ANKS1B: variants seen among roughly 807,000 people sequenced by gnomAD.
The protein encoded by ANKS1B is ankyrin repeat and sterile alpha motif domain containing 1B, also known as ankyrin repeat and sterile alpha motif domain-containing protein 1B.
A neutral mutation model predicts 148.3 loss-of-function variants in ANKS1B; 36 were observed. The observed-to-expected ratio is 0.24, with a 90% CI of 0.19 to 0.32. ANKS1B has a LOEUF of 0.32. Among genes scored for constraint, ANKS1B ranks in the 10% least tolerant of loss-of-function variants. The probability of loss-of-function intolerance (pLI) is 1.00; values close to 1 mark genes in which losing one functional copy is unlikely to be tolerated. For synonymous variants in ANKS1B, 542 were observed against 560.8 expected (o/e 0.97, Z 0.47); for missense variants, 1,157 against 1,542.6 (o/e 0.75, Z 4.19).
At chr12:99,298,897 T>A (rs922966220) in intron 12 of ANKS1B, among the ~76,000 whole-genome samples, 2 of 152,230 alleles carry the variant, frequency 1.3e-5, no homozygotes, top group African/African-American at 4.8e-5. Flanking sequence ...AATTGTTCAT[T>A]TTCTGTTTTT....
rs57473651 is a variant in ANKS1B, at chr12:99,406,762, C to G, written c.1576-6951G>C. 6.4e-3 allele frequency among the ~76,000 whole-genome samples: 924 copies of G among 145,054 alleles called. 71 individuals carry two copies. The East Asian group carries it at 0.066, about 10-fold the overall frequency. On this transcript the variant is annotated intron_variant, in intron 11 of 26. Transcript: ENST00000683438. Reference sequence around the variant, plus strand: ...TTTTTGAAAAGATAAAATTGACAAACCTTTAGCCAGATTAAGAAAAGAGAG... The same window carrying G: ...TTTTTGAAAAGATAAAATTGACAAAGCTTTAGCCAGATTAAGAAAAGAGAG...
chr12:99,637,828 C>T (rs1567534470), intron 9 of ANKS1B, among the ~76,000 whole-genome samples: 2 of 133,624 alleles, frequency 1.5e-5, no homozygotes, highest in Admixed American at 7.5e-5. Context: ...TATATATACA[C>T]ACACATACAC....
At chr12:99,731,501 G>C (rs1189007348) in intron 8 of ANKS1B, among the ~76,000 whole-genome samples, 1 of 151,386 alleles carries the variant, frequency 6.6e-6, no homozygotes, top group Non-Finnish European at 1.5e-5. Context: ...AGAGTCTGCT[G>C]AGCTTCTCAT....
intron 9 of ANKS1B, among the ~76,000 whole-genome samples, chr12:99,548,466 A>C (rs1267162611): frequency 6.6e-6 from 1 of 152,166 alleles, no homozygotes; most frequent in African/African-American, 2.4e-5. Context: ...ATGTTTTTTT[A>C]AAGACAATAG....
chr12:98,790,757 T>C (rs1231686292), intron 22 of ANKS1B, among the ~76,000 whole-genome samples: 1 of 152,186 alleles, frequency 6.6e-6, no homozygotes, highest in East Asian at 1.9e-4. Context: ...CTACTTGCTA[T>C]GATGGCAGGG....
intron 17 of ANKS1B, among the ~76,000 whole-genome samples, chr12:98,846,437 T>G (rs572718079): frequency 6.6e-6 from 1 of 152,362 alleles, no homozygotes; most frequent in Admixed American, 6.5e-5. Flanking sequence ...AGCTGGAGAA[T>G]GGAGAATCAT....
intron 22 of ANKS1B, among the ~76,000 whole-genome samples, chr12:98,783,879 G>A (rs1305614190): frequency 1.3e-5 from 2 of 152,170 alleles, no homozygotes; most frequent in Non-Finnish European, 2.9e-5. Context: ...GGGACTGGAA[G>A]AGCTAGAGGC....
intron 16 of ANKS1B, among the ~76,000 whole-genome samples, chr12:99,070,118 A>C (rs1348728573): frequency 6.6e-6 from 1 of 152,196 alleles, no homozygotes; most frequent in East Asian, 1.9e-4. Flanking sequence ...ATTGCTATTA[A>C]CATAGGGGTT....
chr12:99,637,679 T>A (rs1332820036), intron 9 of ANKS1B, among the ~76,000 whole-genome samples: 3 of 151,990 alleles, frequency 2.0e-5, no homozygotes, highest in Admixed American at 2.0e-4. Context: ...AACATCAGAC[T>A]TCAAGTTCTT....
At position 99,497,114 on chromosome 12, in the gene ANKS1B, C is replaced by A. The variant is rs150674707; in HGVS notation, c.1438+7362G>T. On this transcript the variant is annotated intron_variant, in intron 10 of 26. Transcript: ENST00000683438. Reference sequence around the variant, plus strand: ...GGGTATTTGAGGATACCCAAATCTACGGATGCTTAAGTCTCTTCTATAAAA... The same window carrying A: ...GGGTATTTGAGGATACCCAAATCTAAGGATGCTTAAGTCTCTTCTATAAAA... 2.6e-3 allele frequency among the ~76,000 whole-genome samples: 401 copies of A among 152,284 alleles called. 2 individuals are homozygous for A. Among genetic ancestry groups the A allele is most frequent in the African/African-American group, 9.3e-3 (387 of 41,568 alleles).
chr12:99,097,315 A>T (rs1476390743), intron 15 of ANKS1B: 1 of 151,354 alleles, frequency 6.6e-6, no homozygotes, highest in African/African-American at 2.4e-5. Flanking sequence ...AATGTTCTTA[A>T]TTTTTTTTTC....
At chr12:99,176,889 CA>C (rs1442313957) in intron 14 of ANKS1B, among the ~76,000 whole-genome samples, 2 of 152,188 alleles carry the variant, frequency 1.3e-5, no homozygotes, top group African/African-American at 4.8e-5. Flanking sequence ...CCTGCAGAGC[CA>C]TGCGCCAATT....
At chr12:99,714,460 G>T (rs1051606887) in intron 8 of ANKS1B, among the ~76,000 whole-genome samples, 1 of 152,136 alleles carries the variant, frequency 6.6e-6, no homozygotes, top group Non-Finnish European at 1.5e-5. Flanking sequence ...AAGCCTATCA[G>T]CACCATTTTT....
intron 14 of ANKS1B, among the ~76,000 whole-genome samples, chr12:99,193,826 G>T (rs563378049): frequency 2.6e-5 from 3 of 113,780 alleles, no homozygotes; most frequent in Non-Finnish European, 5.2e-5. Flanking sequence ...TTTTGAGATG[G>T]AGTCTTGCTC....
chr12:99,766,001 A>G (rs1321559820), intron 8 of ANKS1B, among the ~76,000 whole-genome samples: 1 of 152,134 alleles, frequency 6.6e-6, no homozygotes, highest in African/African-American at 2.4e-5. Context: ...TGCTAGACTA[A>G]GTTATCTCCC....
downstream of ANKS1B, among the ~76,000 whole-genome samples, chr12:98,742,051 CT>C (rs1432595488): frequency 6.6e-6 from 1 of 151,716 alleles, no homozygotes; most frequent in Non-Finnish European, 1.5e-5. Context: ...GACTCCATCT[CT>C]TGCTCTTACT....
chr12:99,608,366 T>C (rs1294119357), intron 9 of ANKS1B, among the ~76,000 whole-genome samples: 1 of 152,034 alleles, frequency 6.6e-6, no homozygotes, highest in Non-Finnish European at 1.5e-5. Flanking sequence ...TCTGACCCAG[T>C]CAAACACCTG....
chr12:99,406,282 G>C (rs1254170477), intron 11 of ANKS1B, among the ~76,000 whole-genome samples: 3 of 145,298 alleles, frequency 2.1e-5, no homozygotes, highest in Non-Finnish European at 4.6e-5. Flanking sequence ...CACGAAACAA[G>C]TCTTAAAAAA....
At chr12:98,959,167 T>C (rs2099867162) in intron 17 of ANKS1B, among the ~76,000 whole-genome samples, 1 of 152,226 alleles carries the variant, frequency 6.6e-6, no homozygotes, top group Non-Finnish European at 1.5e-5. Context: ...TTACTGCATG[T>C]TAGCAATTTT....
Sources: allele counts gnomAD v4.1 joint callset (sites outside exome capture counted in the v4.1 genomes callset), GRCh38; gene constraint gnomAD v4.1.1; transcripts MANE v1.5; gene names NCBI Gene and HGNC (gene_info 2026-07-23, HGNC 2026-07-21).